AKT3: variants seen among roughly 807,000 people sequenced by gnomAD.
AKT3 encodes the protein AKT serine/threonine kinase 3.
A neutral mutation model predicts 65.3 loss-of-function variants in AKT3; 15 were observed. That is an observed-to-expected ratio of 0.23 (90% CI 0.15 to 0.35). AKT3 has a LOEUF of 0.35. Among genes scored for constraint, AKT3 ranks in the 10% least tolerant of loss-of-function variants. The pLI, the probability that AKT3 is intolerant of heterozygous loss-of-function variation, is 1.00. For synonymous variants in AKT3, 206 were observed against 183.8 expected (o/e 1.12, Z -0.98); for missense variants, 243 against 576.5 (o/e 0.42, Z 5.92).
At chr1:243,626,478 A>G (rs1359556711) in intron 6 of AKT3, among the ~76,000 whole-genome samples, 3 of 152,208 alleles carry the variant, frequency 2.0e-5, no homozygotes, top group Non-Finnish European at 1.5e-5. Context: ...CAAGCTGGGA[A>G]GCAAAAATGA....
At chr1:243,571,958 A>T (rs1001453547) in intron 9 of AKT3, among the ~76,000 whole-genome samples, 4 of 152,242 alleles carry the variant, frequency 2.6e-5, no homozygotes, top group Non-Finnish European at 5.9e-5. Flanking sequence ...GAATTTCATA[A>T]AAGCCTCATG....
At chr1:243,804,012 G>A (rs1337030565) in intron 2 of AKT3, among the ~76,000 whole-genome samples, 2 of 152,200 alleles carry the variant, frequency 1.3e-5, no homozygotes, top group Non-Finnish European at 2.9e-5. Flanking sequence ...GCCATGGCAG[G>A]TGGAAACAGA....
chr1:243,513,255 C>A (rs573198002), intron 12 of AKT3, among the ~76,000 whole-genome samples: 1 of 152,156 alleles, frequency 6.6e-6, no homozygotes, highest in Non-Finnish European at 1.5e-5. Flanking sequence ...GGGCTCTAGC[C>A]TTGAGGGACA....
At chr1:243,689,876 T>C (rs545694016) in intron 3 of AKT3, among the ~76,000 whole-genome samples, 8 of 152,012 alleles carry the variant, frequency 5.3e-5, no homozygotes, top group South Asian at 2.1e-4. Flanking sequence ...GCTTGGGAGA[T>C]TGAGGCTACA....
chr1:243,540,491 AC>A (rs1443594077), intron 12 of AKT3, among the ~76,000 whole-genome samples: 1 of 152,170 alleles, frequency 6.6e-6, no homozygotes, highest in Admixed American at 6.6e-5. Context: ...TGTTTTTATA[AC>A]ATATTCAAAT....
intron 2 of AKT3, among the ~76,000 whole-genome samples, chr1:243,795,222 G>A (rs1691880904): frequency 6.6e-6 from 1 of 151,374 alleles, no homozygotes; most frequent in Non-Finnish European, 1.5e-5. Flanking sequence ...ATAAGCCCCT[G>A]AAAAGAACTA....
intron 2 of AKT3, among the ~76,000 whole-genome samples, chr1:243,807,615 T>C (rs1348380243): frequency 6.6e-6 from 1 of 152,186 alleles, no homozygotes; most frequent in Non-Finnish European, 1.5e-5. Flanking sequence ...GGGCAAGGCA[T>C]AGCCAAACAA....
At chr1:243,799,725 G>A (rs1692262143) in intron 2 of AKT3, among the ~76,000 whole-genome samples, 2 of 152,042 alleles carry the variant, frequency 1.3e-5, no homozygotes, top group South Asian at 4.2e-4. Flanking sequence ...AGTTAGTCTA[G>A]GTTTAAAGAG....
chr1:243,843,364 A>T, intron 1 of AKT3, 82 bp from the exon 2 acceptor site: 1 of 1,282,146 alleles, frequency 7.8e-7, no homozygotes. Context: ...TTCTTTGTAA[A>T]TGTCTTCAAC....
chr1:243,723,513 C>A (rs909872540), intron 2 of AKT3, among the ~76,000 whole-genome samples: 4 of 152,132 alleles, frequency 2.6e-5, no homozygotes, highest in Non-Finnish European at 5.9e-5. Context: ...ACTTATATTA[C>A]TACTGATTGA....
At chr1:243,790,364 G>A (rs1364567572) in intron 2 of AKT3, among the ~76,000 whole-genome samples, 1 of 152,174 alleles carries the variant, frequency 6.6e-6, no homozygotes, top group Non-Finnish European at 1.5e-5. Flanking sequence ...TTATGTTACG[G>A]AGACGGCTTC....
At chr1:243,552,630 T>C (rs945356866) in intron 11 of AKT3, 99 bp downstream of exon 11, 1 of 1,085,734 alleles carries the variant, frequency 9.2e-7, no homozygotes, top group East Asian at 2.5e-5. Flanking sequence ...CTACACCAAA[T>C]ACATTGCTTC....
At chr1:243,791,089 T>C (rs916509492) in intron 2 of AKT3, among the ~76,000 whole-genome samples, 3 of 152,174 alleles carry the variant, frequency 2.0e-5, no homozygotes, top group Non-Finnish European at 4.4e-5. Context: ...CGACTCAAGG[T>C]TGCCACAAAT....
In AKT3 at chr1:243,759,575, C is replaced by A. The variant is rs977630766; in HGVS notation, c.47-63859G>T. Among the ~76,000 whole-genome samples the A allele has an allele frequency of 5.3e-5, 8 of 151,832 alleles. No homozygotes were observed. The East Asian group carries it at 1.4e-3, about 26-fold the overall frequency. On this transcript the variant is annotated intron_variant, in intron 2 of 13. Coordinates refer to ENST00000673466, the MANE Select transcript of AKT3 (RefSeq NM_005465.7). Reference sequence around the variant, plus strand: ...GAAAAAAAAAATAAAAATTCAAGGTCTTGTTCCAACATCCAGATTTCTTTT... The same window carrying A: ...GAAAAAAAAAATAAAAATTCAAGGTATTGTTCCAACATCCAGATTTCTTTT...
chr1:243,760,482 A>G (rs1412791736), intron 2 of AKT3, among the ~76,000 whole-genome samples: 1 of 152,070 alleles, frequency 6.6e-6, no homozygotes, highest in East Asian at 1.9e-4. Context: ...TAACATATTT[A>G]ATCTTCATTA....
chr1:243,525,146 C>T (rs901687303), intron 12 of AKT3, among the ~76,000 whole-genome samples: 1 of 152,174 alleles, frequency 6.6e-6, no homozygotes, highest in Non-Finnish European at 1.5e-5. Flanking sequence ...TTGAACCACA[C>T]ATGCACAGGG....
chr1:243,657,323 T>C (rs969167435), intron 4 of AKT3, among the ~76,000 whole-genome samples: 1 of 152,200 alleles, frequency 6.6e-6, no homozygotes, highest in African/African-American at 2.4e-5. Flanking sequence ...AAATTTCTAT[T>C]GTTTATAAGC....
intron 2 of AKT3, among the ~76,000 whole-genome samples, chr1:243,825,674 C>G (rs1293355056): frequency 1.3e-5 from 2 of 152,038 alleles, no homozygotes; most frequent in African/African-American, 4.8e-5. Flanking sequence ...CAATGAAAAC[C>G]CTTATATAAT....
chr1:243,508,706 C>T (rs1669830745), intron 13 of AKT3, among the ~76,000 whole-genome samples: 1 of 143,250 alleles, frequency 7.0e-6, no homozygotes, highest in Non-Finnish European at 1.5e-5. Flanking sequence ...TGCTCTGTCA[C>T]CCAGACTGGA....
Sources: allele counts gnomAD v4.1 joint callset (sites outside exome capture counted in the v4.1 genomes callset), GRCh38; gene constraint gnomAD v4.1.1; transcripts MANE v1.5; gene names NCBI Gene and HGNC (gene_info 2026-07-23, HGNC 2026-07-21).